RTN1: variants seen among roughly 807,000 people sequenced by gnomAD.
The protein encoded by RTN1 is reticulon-1.
A neutral mutation model predicts 65.5 loss-of-function variants in RTN1; 25 were observed. That is an observed-to-expected ratio of 0.38 (90% CI 0.28 to 0.53). The LOEUF (loss-of-function observed/expected upper bound fraction) is 0.53, where lower values mean the gene tolerates loss of function less well. RTN1 is among the 20% of genes least tolerant of loss of function. The pLI is 0.79. For synonymous variants in RTN1, 471 were observed against 447.6 expected (o/e 1.05, Z -0.66); for missense variants, 983 against 1,025.4 (o/e 0.96, Z 0.57).
At chr14:59,684,649 C>A (rs1216001051) in intron 3 of RTN1, among the ~76,000 whole-genome samples, 1 of 152,030 alleles carries the variant, frequency 6.6e-6, no homozygotes, top group African/African-American at 2.4e-5. Flanking sequence ...ATGTTTTATA[C>A]TGTATTCCAT....
chr14:59,819,606 T>C (rs1886900701), intron 1 of RTN1, among the ~76,000 whole-genome samples: 1 of 151,938 alleles, frequency 6.6e-6, no homozygotes, highest in African/African-American at 2.4e-5. Flanking sequence ...ACCACTGTTG[T>C]CAGCCCTTGG....
chr14:59,603,227 C>T lies in RTN1; in HGVS notation c.2214G>A (p.Val738=). 1.2e-6 allele frequency: 2 copies of T among 1,613,146 alleles called. No individual in the cohort carries two copies. The highest frequency in any genetic ancestry group is 2.2e-5 in the East Asian group (1 of 44,812). The part of the protein sequence containing the change: ...AVVSMFTLPV[V]YVKHQAQIDQ... ...TAGAACTTACCTGGTGCTTAACATA[C>T]ACTACAGGTAGAGTAAACATTGAAA... The change falls in exon 7 of 9, where the codon GTG becomes GTA. Residue 738 remains valine (V), a synonymous_variant. Transcript: ENST00000267484.
intron 3 of RTN1, among the ~76,000 whole-genome samples, chr14:59,686,643 T>C (rs1883851978): frequency 6.6e-6 from 1 of 152,204 alleles, no homozygotes; most frequent in Non-Finnish European, 1.5e-5. Flanking sequence ...ACAGTGTCTG[T>C]CTGATAAACA....
intron 1 of RTN1, among the ~76,000 whole-genome samples, chr14:59,809,800 A>G (rs1566734275): frequency 6.6e-6 from 1 of 152,190 alleles, no homozygotes; most frequent in Non-Finnish European, 1.5e-5. Flanking sequence ...AAGACACAAC[A>G]GAACCCCCAG....
chr14:59,761,689 T>C (rs1252359481), intron 1 of RTN1, among the ~76,000 whole-genome samples: 1 of 152,130 alleles, frequency 6.6e-6, no homozygotes, highest in African/African-American at 2.4e-5. Flanking sequence ...CTCAACAGAA[T>C]CTGTTTTATT....
chr14:59,723,693 A>C (rs1005584997), intron 3 of RTN1, among the ~76,000 whole-genome samples: 1 of 152,250 alleles, frequency 6.6e-6, no homozygotes, highest in Non-Finnish European at 1.5e-5. Flanking sequence ...TAAGAATCAC[A>C]TATGCACTTA....
intron 1 of RTN1, among the ~76,000 whole-genome samples, chr14:59,851,030 G>T (rs1275064320): frequency 1.3e-5 from 2 of 152,218 alleles, no homozygotes; most frequent in East Asian, 3.9e-4. Context: ...GCAGTGCAGG[G>T]TCATTCATAG....
chr14:59,831,756 T>C (rs911851271), intron 1 of RTN1, among the ~76,000 whole-genome samples: 5 of 152,112 alleles, frequency 3.3e-5, no homozygotes, highest in Admixed American at 2.0e-4. Context: ...TCCATATATA[T>C]AATCCATATA....
intron 3 of RTN1, among the ~76,000 whole-genome samples, chr14:59,609,860 A>G (rs1363417126): frequency 6.6e-6 from 1 of 152,364 alleles, no homozygotes; most frequent in Non-Finnish European, 1.5e-5. Flanking sequence ...TAAGTGAATT[A>G]TACAAAACAA....
intron 1 of RTN1, among the ~76,000 whole-genome samples, chr14:59,789,162 GA>G: frequency 6.6e-6 from 1 of 151,070 alleles, no homozygotes; most frequent in East Asian, 1.9e-4. Context: ...ATATTCTTTT[GA>G]TTTTTTTTAG....
At chr14:59,744,547 A>T (rs1025328621) in intron 2 of RTN1, among the ~76,000 whole-genome samples, 1 of 152,220 alleles carries the variant, frequency 6.6e-6, no homozygotes, top group African/African-American at 2.4e-5. Context: ...GTTAAAAAAG[A>T]CCATAGCCTA....
intron 1 of RTN1, among the ~76,000 whole-genome samples, chr14:59,804,776 G>A (rs923502521): frequency 6.6e-6 from 1 of 152,168 alleles, no homozygotes; most frequent in African/African-American, 2.4e-5. Flanking sequence ...GGGTGCCAAG[G>A]GAATACAAAA....
At chr14:59,735,356 C>T (rs1475433064) in intron 2 of RTN1, among the ~76,000 whole-genome samples, 1 of 152,130 alleles carries the variant, frequency 6.6e-6, no homozygotes, top group South Asian at 2.1e-4. Flanking sequence ...CAGCTAGCGT[C>T]GTGATGACAG....
intron 1 of RTN1, among the ~76,000 whole-genome samples, chr14:59,772,692 A>AT (rs1885981463): frequency 6.6e-6 from 1 of 152,116 alleles, no homozygotes; most frequent in Non-Finnish European, 1.5e-5. Flanking sequence ...GAAAACACTC[A>AT]TTCCCCAAGA....
Position 59,836,495 on chromosome 14 carries a change from C to T in RTN1, c.241+33895G>A, listed in dbSNP as rs1322874173. ...AAGTCATGCTTTTAAGAGGTTTTGG[C>T]TTTCTTGCTTTCATCTATGGATGGG... On this transcript the variant is annotated intron_variant, in intron 1 of 8. Transcript: ENST00000267484. This position sits in a 1 kb window ranked among gnomAD's most constrained non-coding sequence, Gnocchi z 4.9. 6.6e-6 allele frequency among the ~76,000 whole-genome samples: 1 copy of T among 152,228 alleles called. No individual in the cohort carries two copies. Among genetic ancestry groups the T allele is most frequent in the African/African-American group, 2.4e-5 (1 of 41,466 alleles).
intron 1 of RTN1, among the ~76,000 whole-genome samples, chr14:59,822,854 C>T (rs1252603085): frequency 3.3e-5 from 5 of 150,270 alleles, no homozygotes; most frequent in African/African-American, 7.3e-5. Context: ...TGCTGTGGTC[C>T]AAGAGTATGG....
intron 1 of RTN1, among the ~76,000 whole-genome samples, chr14:59,831,052 A>G (rs1011723994): frequency 1.3e-5 from 2 of 152,182 alleles, no homozygotes; most frequent in African/African-American, 2.4e-5. Flanking sequence ...AAAGAAAAAA[A>G]TTTAAATTAT....
intron 1 of RTN1, among the ~76,000 whole-genome samples, chr14:59,749,757 T>TTA (rs540644744): frequency 3.3e-5 from 3 of 91,250 alleles, no homozygotes; most frequent in African/African-American, 1.6e-4. Flanking sequence ...ATATGTATAT[T>TTA]TATATATCTA....
intron 3 of RTN1, among the ~76,000 whole-genome samples, chr14:59,661,412 T>C (rs1439299515): frequency 6.6e-6 from 1 of 152,128 alleles, no homozygotes; most frequent in African/African-American, 2.4e-5. Flanking sequence ...GAGGCTAGCA[T>C]CATCCTGATA....
Sources: gnomAD v4.1 joint callset for allele counts (sites outside exome capture counted in the v4.1 genomes callset) on GRCh38, gnomAD v4.1.1 for gene constraint, Gnocchi (gnomAD v3.1) non-coding constraint, MANE v1.5 for transcripts, NCBI Gene and HGNC (gene_info 2026-07-23, HGNC 2026-07-21) for gene names.